Variants in NLK observed in about 807,000 individuals in gnomAD.
The protein encoded by NLK is serine/threonine-protein kinase NLK.
NLK carries 11 observed loss-of-function variants against 59.0 expected under a neutral mutation model. That is an observed-to-expected ratio of 0.19 (90% CI 0.12 to 0.31). The LOEUF is 0.31. NLK is among the 10% of genes least tolerant of loss of function. The probability of loss-of-function intolerance (pLI) is 1.00; values close to 1 mark genes in which losing one functional copy is unlikely to be tolerated. For missense variants in NLK, 410 were observed against 661.1 expected (o/e 0.62, Z 4.16); for synonymous variants, 235 against 235.9 (o/e 1.00, Z 0.03).
intron 1 of NLK, among the ~76,000 whole-genome samples, chr17:28,111,531 T>G (rs1462502865): frequency 6.6e-6 from 1 of 152,142 alleles, no homozygotes; most frequent in African/African-American, 2.4e-5. Context: ...TTTTCCTGTT[T>G]CTTAACATGT....
intron 8 of NLK, 147 bp downstream of exon 8, chr17:28,185,412 C>T (rs541519874): frequency 1.7e-4 from 93 of 533,784 alleles, no homozygotes; most frequent in Non-Finnish European, 2.1e-4. Flanking sequence ...GTATCATGCA[C>T]GCTCATCACA....
intron 3 of NLK, among the ~76,000 whole-genome samples, chr17:28,152,542 G>A (rs1224981796): frequency 6.6e-6 from 1 of 151,858 alleles, no homozygotes; most frequent in East Asian, 1.9e-4. Context: ...ATCCATGCAA[G>A]AACTCTTCAA....
At chr17:28,199,680 AAAAAC>A (rs1567745722), downstream of NLK, among the ~76,000 whole-genome samples, 1 of 49,868 alleles carries the variant, frequency 2.0e-5, no homozygotes, top group African/African-American at 9.4e-5. Context: ...AAAAAAAAAA[AAAAAC>A]AAAACAAAAC....
At chr17:28,182,739 C>T (rs1257751781) in intron 7 of NLK, among the ~76,000 whole-genome samples, 2 of 150,902 alleles carry the variant, frequency 1.3e-5, no homozygotes, top group Admixed American at 6.6e-5. Context: ...TGTTAGTAGA[C>T]CATTAATGAT....
At chr17:28,043,401 C>A (rs1046896948) in intron 1 of NLK, 70 bp downstream of exon 1, 5 of 1,306,042 alleles carry the variant, frequency 3.8e-6, no homozygotes, top group Non-Finnish European at 5.3e-6. Flanking sequence ...GAGTCCATCT[C>A]TAATGGTTGT....
chr17:28,120,270 G>GTA (rs1440130389), intron 1 of NLK, among the ~76,000 whole-genome samples: 4 of 141,092 alleles, frequency 2.8e-5, no homozygotes, highest in Non-Finnish European at 4.7e-5. Context: ...GTGTGTGTGT[G>GTA]TGTATGTGTG....
chr17:28,104,805 AG>A (rs1905021775), intron 1 of NLK, among the ~76,000 whole-genome samples: 1 of 152,338 alleles, frequency 6.6e-6, no homozygotes, highest in East Asian at 1.9e-4. Flanking sequence ...CTGTAGATTC[AG>A]GGAAAATTCC....
At chr17:28,078,710 G>T (rs948155256) in intron 1 of NLK, among the ~76,000 whole-genome samples, 7 of 152,098 alleles carry the variant, frequency 4.6e-5, no homozygotes, top group Non-Finnish European at 7.4e-5. Flanking sequence ...ACTCAGAGTA[G>T]TCAGTTTGGT....
intron 1 of NLK, among the ~76,000 whole-genome samples, chr17:28,091,930 T>G (rs949818167): frequency 2.1e-4 from 32 of 152,240 alleles, no homozygotes; most frequent in African/African-American, 7.7e-4. Flanking sequence ...TTTTTTTTTC[T>G]TTTGACAACC....
intron 2 of NLK, among the ~76,000 whole-genome samples, 153 bp downstream of exon 2, chr17:28,122,885 G>C (rs538801267): frequency 6.6e-6 from 1 of 152,282 alleles, no homozygotes; most frequent in Non-Finnish European, 1.5e-5. Context: ...AAGCGCACCA[G>C]TGAGGTTATG....
chr17:28,072,147 A>G (rs1052060971), intron 1 of NLK, among the ~76,000 whole-genome samples: 1 of 152,016 alleles, frequency 6.6e-6, no homozygotes, highest in Non-Finnish European at 1.5e-5. Context: ...GTTTTGGTAG[A>G]TGTTTTAACT....
At chr17:28,121,495 CTTTTTTTTTTTTT>C (rs58647578) in intron 1 of NLK, among the ~76,000 whole-genome samples, 2 of 72,290 alleles carry the variant, frequency 2.8e-5, no homozygotes, top group Non-Finnish European at 4.6e-5. Context: ...TCTTTCTTTT[CTTTTTTTTTTTTT>C]TTTTTTTTTT....
At chr17:28,186,273 A>G (rs1428044997) in intron 8 of NLK, among the ~76,000 whole-genome samples, 2 of 152,234 alleles carry the variant, frequency 1.3e-5, no homozygotes, top group Non-Finnish European at 2.9e-5. Context: ...CAGCACAGCA[A>G]AGATTAGGGA....
intron 1 of NLK, among the ~76,000 whole-genome samples, chr17:28,090,185 T>C (rs1478023454): frequency 1.3e-5 from 2 of 152,210 alleles, no homozygotes; most frequent in Non-Finnish European, 2.9e-5. Flanking sequence ...CAGTATACCT[T>C]CAATTGGTAT....
At chr17:28,178,885 AAACTAATAGG>A (rs1343689593) in intron 7 of NLK, among the ~76,000 whole-genome samples, 1 of 152,174 alleles carries the variant, frequency 6.6e-6, no homozygotes, top group Non-Finnish European at 1.5e-5. Context: ...AGTTGAATGA[AAACTAATAGG>A]AACGTCTGCT....
At position 28,061,824 on chromosome 17, in the gene NLK, AC is replaced by A. The variant is rs1465386980; in HGVS notation, c.458+18494del. On this transcript the variant is annotated intron_variant, in intron 1 of 10. Transcript: ENST00000407008. The stretch of plus-strand genomic sequence containing the variant: ...ATATACATATACATATATAATATAT[AC>A]ATATATACATATACATATATATAAT... 29 of 143,516 alleles carry A rather than the reference AC, an allele frequency of 2.0e-4. 1 individual carries two copies. Among genetic ancestry groups the A allele is most frequent in the East Asian group, 5.9e-4 (3 of 5,126 alleles). 8.9% of individuals were successfully genotyped at this position (143,516 alleles called of 1,614,324 possible).
Position 28,161,169 on chromosome 17 carries a change from C to G in NLK, c.654C>G (p.Val218=), listed in dbSNP as rs1268659342. 9 of 1,592,702 alleles carry G rather than the reference C, an allele frequency of 5.7e-6. No homozygotes were observed. Among genetic ancestry groups the G allele is most frequent in the Non-Finnish European group, 7.8e-6 (9 of 1,160,700 alleles). ...HIDYFEEIYV[V]TELMQSDLHK... Reference sequence around the variant, plus strand: ...AACTTAAAACTTCAAGATATGTTGTCACAGAATTGATGCAGAGTGACCTAC... The same window carrying G: ...AACTTAAAACTTCAAGATATGTTGTGACAGAATTGATGCAGAGTGACCTAC... Residue 218 remains valine (V), a synonymous_variant, in exon 4 of 11, where the codon GTC becomes GTG. Transcript: ENST00000407008.
At chr17:28,093,270 T>C (rs1904574178) in intron 1 of NLK, among the ~76,000 whole-genome samples, 1 of 152,196 alleles carries the variant, frequency 6.6e-6, no homozygotes. Flanking sequence ...AAATATACAA[T>C]AGATTTCTTA....
intron 6 of NLK, among the ~76,000 whole-genome samples, chr17:28,169,147 A>G (rs529188351): frequency 5.3e-5 from 8 of 152,240 alleles, no homozygotes; most frequent in African/African-American, 1.9e-4. Context: ...CAGCCTCCCA[A>G]AGTGCTGGGA....
Sources: allele counts gnomAD v4.1 joint callset (sites outside exome capture counted in the v4.1 genomes callset), GRCh38; gene constraint gnomAD v4.1.1; transcripts MANE v1.5; gene names NCBI Gene and HGNC (gene_info 2026-07-23, HGNC 2026-07-21).